ENKUR: variants seen among roughly 807,000 people sequenced by gnomAD.
ENKUR encodes enkurin, TRPC channel interacting protein, also known as enkurin.
Under a neutral mutation model 27.6 loss-of-function variants are expected in ENKUR, and 19 were observed. That is an observed-to-expected ratio of 0.69 (90% CI 0.48 to 1.01). The LOEUF (loss-of-function observed/expected upper bound fraction) is 1.01. ENKUR is among the 50% of genes least tolerant of loss of function. ENKUR has a pLI of 0.00. For missense variants in ENKUR, 312 were observed against 310.5 expected, an observed-to-expected ratio of 1.00 and a Z score of -0.04; for synonymous variants, 117 against 96.9, an observed-to-expected ratio of 1.21 and a Z score of -1.22.
upstream of ENKUR, among the ~76,000 whole-genome samples, chr10:25,017,355 G>A (rs1371921626): frequency 6.6e-6 from 1 of 152,128 alleles, no homozygotes; most frequent in Non-Finnish European, 1.5e-5. Flanking sequence ...AGACATTTTG[G>A]TAATAGGATT....
intron 2 of ENKUR, among the ~76,000 whole-genome samples, chr10:25,027,623 T>C (rs1241378412): frequency 1.3e-5 from 2 of 151,098 alleles, no homozygotes; most frequent in Admixed American, 1.3e-4. Context: ...GCGCAGTGGC[T>C]CATGCCTGTA....
chr10:25,016,444 C>G (rs1434522972), upstream of ENKUR, among the ~76,000 whole-genome samples: 9 of 152,230 alleles, frequency 5.9e-5, no homozygotes, highest in African/African-American at 1.4e-4. Flanking sequence ...TGTGAGCAGG[C>G]CCCAATCGCG....
intron 2 of ENKUR, among the ~76,000 whole-genome samples, chr10:25,029,726 T>C (rs1437274127): frequency 6.6e-6 from 1 of 152,164 alleles, no homozygotes; most frequent in African/African-American, 2.4e-5. Context: ...ACTTTTGCTT[T>C]CAAAACAAAC....
At chr10:25,025,209 C>T (rs747109838) in intron 2 of ENKUR, 4 of 1,614,188 alleles carry the variant, frequency 2.5e-6, no homozygotes, top group South Asian at 1.1e-5. Context: ...CTGTGATTAT[C>T]TCATCTACAG....
upstream of ENKUR, among the ~76,000 whole-genome samples, chr10:25,017,087 C>T (rs947088527): frequency 6.6e-6 from 1 of 152,184 alleles, no homozygotes; most frequent in Admixed American, 6.5e-5. Context: ...CCTGCTCTTC[C>T]CCGGGTCGGG....
chr10:25,061,380 G>A (rs772891992), intron 1 of ENKUR: 17 of 543,410 alleles, frequency 3.1e-5, no homozygotes, highest in Non-Finnish European at 4.6e-5. Flanking sequence ...CTGGAAGGAG[G>A]AGTAACAGTG....
At position 25,043,893 on chromosome 10, in the gene ENKUR, CTT is replaced by C. The variant is rs36019656; in HGVS notation, c.37+17217_37+17218del. Among the ~76,000 whole-genome samples the C allele has an allele frequency of 2.1e-3, 299 of 142,960 alleles. 2 individuals are homozygous for C. The highest frequency in any genetic ancestry group is 4.6e-3 in the African/African-American group (180 of 39,318). The allele number at this position is 142,960 out of a possible 152,430, so 93.8% of individuals were successfully genotyped here. A position where few individuals can be genotyped will look rare whatever the true frequency, so the allele number is the denominator to read the frequency against. ...TGACGAAATTTTAATTTCAGATATTCTTTTTTTTTTTTTTAGTTCTAGGATTT... is the reference window on the plus strand; with the variant it reads ...TGACGAAATTTTAATTTCAGATATTCTTTTTTTTTTTTAGTTCTAGGATTT... On this transcript the variant is annotated intron_variant, in intron 2 of 5. Coordinates refer to the ENKUR transcript ENST00000615958.
At chr10:25,023,361 G>T in intron 2 of ENKUR, 1 of 1,614,126 alleles carries the variant, frequency 6.2e-7, no homozygotes, top group Non-Finnish European at 8.5e-7. Context: ...GGAAGTCATG[G>T]TATTCAACCC....
chr10:25,029,734 A>G (rs1850913397), intron 2 of ENKUR, among the ~76,000 whole-genome samples: 1 of 152,170 alleles, frequency 6.6e-6, no homozygotes, highest in African/African-American at 2.4e-5. Flanking sequence ...TTTCAAAACA[A>G]ACAGTCTCCT....
intron 2 of ENKUR, among the ~76,000 whole-genome samples, chr10:25,033,439 A>G (rs919579928): frequency 4.6e-5 from 7 of 150,614 alleles, no homozygotes; most frequent in Admixed American, 2.0e-4. Context: ...TCTGTGGTCC[A>G]ATACTTATAG....
chr10:25,050,432 C>A (rs530372572), intron 2 of ENKUR, among the ~76,000 whole-genome samples: 2 of 152,276 alleles, frequency 1.3e-5, no homozygotes, highest in East Asian at 3.9e-4. Context: ...AGCAAAGTCA[C>A]GTCTTGCATG....
At chr10:25,056,309 A>G (rs1460873913) in intron 2 of ENKUR, among the ~76,000 whole-genome samples, 1 of 152,248 alleles carries the variant, frequency 6.6e-6, no homozygotes, top group Non-Finnish European at 1.5e-5. Flanking sequence ...ATACCCCAGA[A>G]GTTCTCAGCT....
chr10:25,054,115 A>C (rs1043339755), intron 2 of ENKUR, among the ~76,000 whole-genome samples: 2 of 152,112 alleles, frequency 1.3e-5, no homozygotes, highest in South Asian at 4.1e-4. Flanking sequence ...GGGGATAAAA[A>C]CTTGCTTTAA....
At chr10:25,034,970 C>T (rs1850991542) in intron 2 of ENKUR, among the ~76,000 whole-genome samples, 1 of 151,814 alleles carries the variant, frequency 6.6e-6, no homozygotes, top group Admixed American at 6.6e-5. Flanking sequence ...ATTTGGCTGG[C>T]CAAAAGCAGT....
chr10:25,050,026 G>T (rs1356533574), intron 2 of ENKUR, among the ~76,000 whole-genome samples: 1 of 152,128 alleles, frequency 6.6e-6, no homozygotes, highest in Non-Finnish European at 1.5e-5. Context: ...GGTGGAAGGT[G>T]AAGGGGGAGG....
At chr10:24,985,012 C>A (rs957834374) in intron 4 of ENKUR, 107 bp from the exon 5 acceptor site, 8 of 864,006 alleles carry the variant, frequency 9.3e-6, no homozygotes, top group East Asian at 7.6e-5. Context: ...AAGAAACTGA[C>A]AAAAATAACT....
At position 24,982,332 on chromosome 10, in the gene ENKUR, A is replaced by T. The variant is rs1849685448; in HGVS notation, c.*2038T>A. 1 of 151,200 alleles carries T rather than the reference A, an allele frequency of 6.6e-6. No individual in the cohort carries two copies. The highest frequency in any genetic ancestry group is 2.1e-4 in the South Asian group (1 of 4,758). 9.4% of individuals were successfully genotyped at this position (151,200 alleles called of 1,614,324 possible). ...ATGTGTGCAGATCTCAGAGGTCTCTAGTACCTCAGTACTATGGGAATGCCA... is the reference window on the plus strand; with the variant it reads ...ATGTGTGCAGATCTCAGAGGTCTCTTGTACCTCAGTACTATGGGAATGCCA... On this transcript the variant is annotated 3_prime_UTR_variant, in exon 6 of 6. Coordinates refer to ENST00000331161, the MANE Select transcript of ENKUR (RefSeq NM_145010.4).
At chr10:25,016,307 G>A, upstream of ENKUR, 1 of 419,582 alleles carries the variant, frequency 2.4e-6, no homozygotes, top group Non-Finnish European at 3.3e-6. Context: ...GAAAGTTAAC[G>A]GGGTGAAAAT....
chr10:25,018,261 G>A (rs1850648535), upstream of ENKUR, among the ~76,000 whole-genome samples: 1 of 152,168 alleles, frequency 6.6e-6, no homozygotes, highest in Admixed American at 6.5e-5. Flanking sequence ...CCTTTTGAAA[G>A]TGTGTTTAAG....
Sources: gnomAD v4.1 joint callset for allele counts (sites outside exome capture counted in the v4.1 genomes callset) on GRCh38, gnomAD v4.1.1 for gene constraint, MANE v1.5 for transcripts, NCBI Gene and HGNC (gene_info 2026-07-23, HGNC 2026-07-21) for gene names.